The following ATG7 variants were observed in gnomAD, a reference collection of about 807,000 sequenced individuals.
ATG7 encodes the protein autophagy related 7.
ATG7 carries 70 observed loss-of-function variants against 82.4 expected under a neutral mutation model. That is an observed-to-expected ratio of 0.85 (90% CI 0.70 to 1.04). The LOEUF is 1.04. Ranked by LOEUF, ATG7 falls within the 50% of genes least tolerant of loss-of-function variation. The probability of loss-of-function intolerance (pLI) is 0.00; values close to 1 mark genes in which losing one functional copy is unlikely to be tolerated. For missense variants in ATG7, 792 were observed against 864.3 expected (o/e 0.92, Z 1.05); for synonymous variants, 287 against 313.0 (o/e 0.92, Z 0.88).
intron 20 of ATG7, among the ~76,000 whole-genome samples, chr3:11,547,128 T>A (rs1203246352): frequency 1.3e-5 from 2 of 152,312 alleles, no homozygotes; most frequent in Non-Finnish European, 1.5e-5. Flanking sequence ...GAGGGCAGAA[T>A]CAGAGACTGT....
intron 19 of ATG7, among the ~76,000 whole-genome samples, chr3:11,400,960 A>G (rs1437947051): frequency 2.6e-5 from 4 of 152,330 alleles, no homozygotes; most frequent in Admixed American, 2.0e-4. Flanking sequence ...ACGCAAAGCA[A>G]TTTCTTTTAG....
intron 20 of ATG7, among the ~76,000 whole-genome samples, chr3:11,546,935 C>T (rs1333448521): frequency 6.6e-6 from 1 of 152,250 alleles, no homozygotes; most frequent in Non-Finnish European, 1.5e-5. Flanking sequence ...CTGTCCAAGC[C>T]ATGGGCTCTG....
chr3:11,551,007 C>G (rs961624806), intron 20 of ATG7, among the ~76,000 whole-genome samples: 1 of 152,034 alleles, frequency 6.6e-6, no homozygotes, highest in African/African-American at 2.4e-5. Flanking sequence ...TCAATTTTAT[C>G]TTTTTCCAAG....
chr3:11,521,177 AGCCCTAGGCAGCCATTGGTT>A (rs560415373), intron 20 of ATG7, among the ~76,000 whole-genome samples: 303 of 150,662 alleles, frequency 2.0e-3, no homozygotes, highest in African/African-American at 7.4e-3. Flanking sequence ...AGATCAGTAG[AGCCCTAGGCAGCCATTGGTT>A]GCCATAGGCA....
chr3:11,573,032 G>C, the ATG7 span, among the ~76,000 whole-genome samples: 390 of 151,912 alleles, frequency 2.6e-3, 4 homozygotes, highest in Non-Finnish European at 6.6e-4. Context: ...TGGGCTTGGT[G>C]GTGGGCGCCT....
At chr3:11,509,807 T>C (rs546249374) in intron 20 of ATG7, among the ~76,000 whole-genome samples, 5 of 152,218 alleles carry the variant, frequency 3.3e-5, no homozygotes, top group Non-Finnish European at 7.3e-5. Context: ...GCACTCAAAT[T>C]TTCCCTGACT....
At chr3:11,310,142 A>G (rs1948417567) in intron 7 of ATG7, among the ~76,000 whole-genome samples, 1 of 151,904 alleles carries the variant, frequency 6.6e-6, no homozygotes. Flanking sequence ...TCCAGCCTGG[A>G]CAACAGAGTG....
At chr3:11,564,836 G>T in the ATG7 span, 1 of 1,597,778 alleles carries the variant, frequency 6.3e-7, no homozygotes. Context: ...GCGAGAGGCC[G>T]GCTGGCCTGC....
At chr3:11,381,262 A>G (rs1384883354) in intron 19 of ATG7, among the ~76,000 whole-genome samples, 1 of 152,116 alleles carries the variant, frequency 6.6e-6, no homozygotes, top group Non-Finnish European at 1.5e-5. Context: ...TCAGAAATGC[A>G]AGTTTTAGGA....
chr3:11,525,455 T>A (rs1192084011), intron 20 of ATG7, among the ~76,000 whole-genome samples: 6 of 151,002 alleles, frequency 4.0e-5, no homozygotes, highest in Non-Finnish European at 8.8e-5. Flanking sequence ...GTGATTTTTT[T>A]TTTTTTTTTT....
chr3:11,336,841 T>C (rs927017173), intron 11 of ATG7, among the ~76,000 whole-genome samples: 1 of 151,856 alleles, frequency 6.6e-6, no homozygotes, highest in Non-Finnish European at 1.5e-5. Context: ...CCCAACTAAT[T>C]TTTGTATTTT....
intron 19 of ATG7, among the ~76,000 whole-genome samples, chr3:11,398,287 A>G (rs1203325501): frequency 1.3e-5 from 2 of 152,182 alleles, no homozygotes; most frequent in Non-Finnish European, 2.9e-5. Context: ...TTTCAAGCAC[A>G]CACATAATAT....
Position 11,309,007 on chromosome 3 carries a change from C to T in ATG7, c.357C>T (p.Gly119=). The change falls in exon 7 of 21, where the codon GGC becomes GGT. Residue 119 remains glycine (G), a synonymous_variant. Transcript: ENST00000693202. The stretch of plus-strand genomic sequence containing the variant: ...AGATATGGGAATCCATAAAATCAGG[C>T]ACTGCTCTTGAAAACCCTGTACTCC... ...ANEIWESIKS[G]TALENPVLLN... is the part of the protein sequence containing the mutation. The T allele has an allele frequency of 1.2e-6, 2 of 1,613,962 alleles. No homozygotes were observed. The highest frequency in any genetic ancestry group is 8.5e-7 in the Non-Finnish European group (1 of 1,179,848).
At chr3:11,459,027 C>A (rs115266460) in intron 20 of ATG7, among the ~76,000 whole-genome samples, 1 of 152,110 alleles carries the variant, frequency 6.6e-6, no homozygotes, top group Non-Finnish European at 1.5e-5. Flanking sequence ...ATCACCCCCC[C>A]ATCTATGGAA....
chr3:11,527,249 C>G (rs1369865366), intron 20 of ATG7, among the ~76,000 whole-genome samples: 1 of 152,000 alleles, frequency 6.6e-6, no homozygotes, highest in Admixed American at 6.6e-5. Context: ...GGATTGCAGG[C>G]ACATGCCACC....
chr3:11,524,453 G>T (rs1405190562), intron 20 of ATG7, among the ~76,000 whole-genome samples: 1 of 152,132 alleles, frequency 6.6e-6, no homozygotes, highest in Admixed American at 6.5e-5. Flanking sequence ...AGAATGTATA[G>T]TCTGTTTTTT....
chr3:11,519,548 T>TTG (rs1559791308), intron 20 of ATG7, among the ~76,000 whole-genome samples: 3 of 66,736 alleles, frequency 4.5e-5, no homozygotes, highest in African/African-American at 2.7e-4. Flanking sequence ...AGTTTTTTTT[T>TTG]TTTTTTTTTT....
intron 20 of ATG7, among the ~76,000 whole-genome samples, chr3:11,458,022 G>C (rs1175838681): frequency 6.6e-6 from 1 of 152,176 alleles, no homozygotes; most frequent in Non-Finnish European, 1.5e-5. Flanking sequence ...GCTCACCTCA[G>C]ATGCCTTAAT....
At chr3:11,389,551 A>C (rs1575975280) in intron 19 of ATG7, among the ~76,000 whole-genome samples, 1 of 151,758 alleles carries the variant, frequency 6.6e-6, no homozygotes, top group Non-Finnish European at 1.5e-5. Flanking sequence ...TACAGCCATC[A>C]TACTAAAACG....
Sources: gnomAD v4.1 joint callset for allele counts (sites outside exome capture counted in the v4.1 genomes callset) on GRCh38, gnomAD v4.1.1 for gene constraint, MANE v1.5 for transcripts, NCBI Gene and HGNC (gene_info 2026-07-23, HGNC 2026-07-21) for gene names.